EGF: variants seen among roughly 807,000 people sequenced by gnomAD.
The protein encoded by EGF is pro-epidermal growth factor.
EGF carries 95 observed loss-of-function variants against 143.8 expected under a neutral mutation model. The observed-to-expected ratio is 0.66, with a 90% confidence interval of 0.56 to 0.78. The LOEUF (loss-of-function observed/expected upper bound fraction) is 0.78. Among genes scored for constraint, EGF ranks in the 30% least tolerant of loss-of-function variants. The probability of loss-of-function intolerance (pLI) is 0.00; values close to 1 mark genes in which losing one functional copy is unlikely to be tolerated. For missense variants in EGF, 1,320 were observed against 1,470.9 expected, an observed-to-expected ratio of 0.90 and a Z score of 1.68; for synonymous variants, 510 against 510.5, an observed-to-expected ratio of 1.00 and a Z score of 0.01.
rs751165628 is a variant in EGF, at chr4:109,961,844, CT to C, written c.1190-17del. ...AACCCGATTTAACACTAATCTTGAC[CT>C]TGTTCTTTATTAATTAGAACTTGTT... On this transcript the variant is annotated intron_variant, in intron 7 of 23. Coordinates refer to ENST00000265171, the MANE Select transcript of EGF (RefSeq NM_001963.6). 11 of 1,613,154 alleles carry C rather than the reference CT, an allele frequency of 6.8e-6. No homozygotes were observed. Among genetic ancestry groups the C allele is most frequent in the Admixed American group, 3.3e-5 (2 of 59,978 alleles).
chr4:109,938,106 G>T lies in EGF; in HGVS notation c.128-2840G>T, dbSNP rs542683430. Among the ~76,000 whole-genome samples the T allele has an allele frequency of 3.3e-4, 50 of 152,274 alleles. 1 individual carries two copies. Among genetic ancestry groups the T allele is most frequent in the Admixed American group, 1.8e-3 (27 of 15,278 alleles). On this transcript the variant is annotated intron_variant, in intron 1 of 23. Coordinates refer to ENST00000265171, the MANE Select transcript of EGF (RefSeq NM_001963.6). ...TCTCCTGGATAATATGCCGAAGAGT[G>T]TTTTCTAACTTGGTTCCATTCTCCC...
intron 1 of EGF, among the ~76,000 whole-genome samples, chr4:109,918,834 C>A (rs773187529): frequency 3.9e-5 from 6 of 152,174 alleles, no homozygotes; most frequent in Non-Finnish European, 8.8e-5. Context: ...ATTTTTCATT[C>A]CTGTTCCTAA....
In EGF at chr4:109,942,842, A is replaced by G. The variant is rs80297705; in HGVS notation, c.328-412A>G. On this transcript the variant is annotated intron_variant, in intron 2 of 23. Coordinates refer to ENST00000265171, the MANE Select transcript of EGF (RefSeq NM_001963.6). ...TTCATGTCTGTAAGCTCAGACTCCA[A>G]GGAAATCTTGCATAGCTTGGAATTG... Among the ~76,000 whole-genome samples, 815 of 152,336 alleles carry G rather than the reference A, an allele frequency of 5.4e-3. 14 individuals carry two copies. Among genetic ancestry groups the G allele is most frequent in the African/African-American group, 0.018 (760 of 41,576 alleles).
chr4:109,961,072 G>A, intron 7 of EGF, 83 bp downstream of exon 7: 1 of 1,501,470 alleles, frequency 6.7e-7, no homozygotes, highest in Non-Finnish European at 9.2e-7. Flanking sequence ...CTGGGTTGGT[G>A]ATCTTCAATC....
chr4:109,953,615 T>C (rs1242848046), intron 5 of EGF, among the ~76,000 whole-genome samples: 1 of 152,236 alleles, frequency 6.6e-6, no homozygotes, highest in African/African-American at 2.4e-5. Flanking sequence ...TAAAAATAAT[T>C]GACATTTGTA....
In EGF at chr4:109,959,602, T is replaced by A. The variant is rs575292784; in HGVS notation, c.1066+165T>A. Among the ~76,000 whole-genome samples the A allele has an allele frequency of 1.6e-4, 24 of 152,234 alleles. No individual in the cohort carries two copies. In the South Asian group the frequency reaches 4.6e-3, roughly 29 times the overall value. On this transcript the variant is annotated intron_variant, in intron 6 of 23. Coordinates refer to ENST00000265171, the MANE Select transcript of EGF (RefSeq NM_001963.6). ...CCCCACACAACCCCTGAAGACTATT[T>A]TTTATTTATTTTTTCTTGTTTGTAA...
At chr4:109,981,086 C>T in intron 15 of EGF, 111 bp downstream of exon 15, 1 of 1,499,060 alleles carries the variant, frequency 6.7e-7, no homozygotes, top group Non-Finnish European at 9.3e-7. Flanking sequence ...TAAAAGTTCT[C>T]CTGTTTTTAG....
At chr4:109,947,304 T>C (rs1455223419) in intron 5 of EGF, among the ~76,000 whole-genome samples, 5 of 152,154 alleles carry the variant, frequency 3.3e-5, no homozygotes, top group Non-Finnish European at 7.4e-5. Flanking sequence ...GGTTTTAAAA[T>C]ATATTTAATG....
chr4:109,986,830 A>G (rs1033011412), intron 16 of EGF, among the ~76,000 whole-genome samples: 2 of 152,180 alleles, frequency 1.3e-5, no homozygotes, highest in African/African-American at 4.8e-5. Flanking sequence ...GGAGTATGAA[A>G]TGAAATGATC....
At position 109,964,519 on chromosome 4, in the gene EGF, T is replaced by A. The variant is rs1357517337; in HGVS notation, c.1557T>A (p.His519Gln). Residue 519 changes from histidine to glutamine, a missense_variant, in exon 10 of 24, where the codon CAT becomes CAA. This residue lies in a region of EGF where 1,186 missense variants were observed against 1,313.7 expected (regional missense o/e 0.90). Transcript: ENST00000265171. ...TGGGAATGGTTTATGCCCTAGATCA[T>A]GACCCTGTGGAAAATAAGGTATGGT... ...QQMGMVYALD[H>Q]DPVENKIYFA... is the part of the protein sequence containing the mutation. 4 of 1,613,780 alleles carry A rather than the reference T, an allele frequency of 2.5e-6. No homozygotes were observed. Among genetic ancestry groups the A allele is most frequent in the Non-Finnish European group, 3.4e-6 (4 of 1,179,794 alleles).
In EGF at chr4:109,986,000, T is replaced by A. The variant is rs2298998; in HGVS notation, c.2492-1744T>A. Among the ~76,000 whole-genome samples, 3,122 of 152,254 alleles carry A rather than the reference T, an allele frequency of 0.021. 204 individuals are homozygous for A. In the East Asian group the frequency reaches 0.22, roughly 11 times the overall value. On this transcript the variant is annotated intron_variant, in intron 16 of 23. Coordinates refer to ENST00000265171, the MANE Select transcript of EGF (RefSeq NM_001963.6). ...GACTAAATATCTTGATCAAAGGGGT[T>A]TTTTTTAAGGTCACTTTTTATTCTA...
chr4:109,999,775 C>G lies in EGF; in HGVS notation c.3102C>G (p.Ile1034Met). 1.2e-6 allele frequency: 2 copies of G among 1,614,092 alleles called. No individual in the cohort carries two copies. Among genetic ancestry groups the G allele is most frequent in the Non-Finnish European group, 1.7e-6 (2 of 1,180,018 alleles). Residue 1034 changes from isoleucine (I) to methionine (M), a missense_variant, in exon 21 of 24, where the codon ATC becomes ATG. By Grantham distance (10) the Ile-to-Met change is conservative. Coordinates refer to ENST00000265171, the MANE Select transcript of EGF (RefSeq NM_001963.6). ...GCCACGGGCAGCAGCAGAAGGTCAT[C>G]GTGGTGGCTGTCTGCGTGGTGGTGC... is the stretch of plus-strand genomic sequence containing the variant. Reference protein sequence around the residue: ...HAGHGQQQKVIVVAVCVVVLV... With the variant: ...HAGHGQQQKVMVVAVCVVVLV...
intron 5 of EGF, among the ~76,000 whole-genome samples, chr4:109,958,982 T>G (rs1173734889): frequency 6.6e-6 from 1 of 152,068 alleles, no homozygotes; most frequent in Non-Finnish European, 1.5e-5. Context: ...AAGCAGATTA[T>G]TTCATTTGCA....
intron 1 of EGF, among the ~76,000 whole-genome samples, chr4:109,932,330 T>A (rs2125978347): frequency 7.0e-6 from 1 of 143,546 alleles, no homozygotes. Flanking sequence ...TTCTCTTTTT[T>A]TTTTTTTACA....
At chr4:109,920,667 T>C (rs575631344) in intron 1 of EGF, among the ~76,000 whole-genome samples, 1 of 151,790 alleles carries the variant, frequency 6.6e-6, no homozygotes, top group South Asian at 2.1e-4. Context: ...ATATTAGTCT[T>C]ATTATGTTAT....
Position 109,943,333 on chromosome 4 carries a change from A to C in EGF, c.407A>C (p.Gln136Pro). 3 of 1,612,290 alleles carry C rather than the reference A, an allele frequency of 1.9e-6. No homozygotes were observed. Among genetic ancestry groups the C allele is most frequent in the Non-Finnish European group, 2.5e-6 (3 of 1,179,012 alleles). The change falls in exon 3 of 24, where the codon CAG becomes CCG. Residue 136 changes from glutamine to proline, a missense_variant. Gln to Pro is a moderately conservative substitution (Grantham distance 76, BLOSUM62 -1). Transcript: ENST00000265171. Reference protein sequence around the residue: ...INEEVIWSNQQEGIITVTDMK... With the variant: ...INEEVIWSNQPEGIITVTDMK... ...GAAGAAGTTATTTGGTCAAATCAACAGGAAGGAATCATTACAGTAACAGAT... is the reference window on the plus strand; with the variant it reads ...GAAGAAGTTATTTGGTCAAATCAACCGGAAGGAATCATTACAGTAACAGAT...
At chr4:109,967,265 C>T (rs1019010981) in intron 10 of EGF, among the ~76,000 whole-genome samples, 8 of 152,184 alleles carry the variant, frequency 5.3e-5, no homozygotes, top group Non-Finnish European at 1.0e-4. Context: ...TTATGGCACT[C>T]CAATTTCCCC....
chr4:109,999,258 T>A (rs1398429983), intron 20 of EGF, among the ~76,000 whole-genome samples: 1 of 152,224 alleles, frequency 6.6e-6, no homozygotes, highest in East Asian at 1.9e-4. Context: ...AGTGAGGAAC[T>A]CTGCCTTCAA....
intron 3 of EGF, 124 bp from the exon 4 acceptor site, chr4:109,943,718 G>T: frequency 1.1e-6 from 1 of 880,646 alleles, no homozygotes; most frequent in East Asian, 2.6e-5. Context: ...TTTACTTGTT[G>T]AATAAATTTT....
Sources: gnomAD v4.1 joint callset for allele counts (sites outside exome capture counted in the v4.1 genomes callset) on GRCh38, gnomAD v4.1.1 for gene constraint, gnomAD v4.1.1 regional missense constraint, MANE v1.5 for transcripts, NCBI Gene and HGNC (gene_info 2026-07-23, HGNC 2026-07-21) for gene names.